The following LRRC3B variants were observed in gnomAD, a reference collection of about 807,000 sequenced individuals.
The protein encoded by LRRC3B is leucine-rich repeat-containing protein 3B.
LRRC3B carries 2 observed loss-of-function variants against 12.8 expected under a neutral mutation model. The ratio of observed to expected loss-of-function variants is 0.16; its 90% CI spans 0.06 to 0.49. The LOEUF (loss-of-function observed/expected upper bound fraction) is 0.49. Among genes scored for constraint, LRRC3B ranks in the 20% least tolerant of loss-of-function variants. The probability of loss-of-function intolerance (pLI) is 0.96; values close to 1 mark genes in which losing one functional copy is unlikely to be tolerated. For missense variants in LRRC3B, 189 were observed against 319.4 expected (o/e 0.59, Z 3.11); for synonymous variants, 132 against 122.0 (o/e 1.08, Z -0.54).
At chr3:26,681,935 T>C (rs1346457505) in intron 1 of LRRC3B, among the ~76,000 whole-genome samples, 1 of 152,184 alleles carries the variant, frequency 6.6e-6, no homozygotes, top group Non-Finnish European at 1.5e-5. Context: ...TACAAGTTTT[T>C]GTGTATACAT....
intron 1 of LRRC3B, among the ~76,000 whole-genome samples, chr3:26,665,392 T>C (rs954776455): frequency 1.3e-5 from 2 of 152,188 alleles, no homozygotes; most frequent in Admixed American, 1.3e-4. Context: ...GTCCTTCTTA[T>C]TGTGTTCTGC....
At chr3:26,682,891 C>T (rs937933344) in intron 1 of LRRC3B, among the ~76,000 whole-genome samples, 1 of 152,186 alleles carries the variant, frequency 6.6e-6, no homozygotes, top group African/African-American at 2.4e-5. Context: ...ATTTTGTTTA[C>T]CCCAAACAAT....
exon 2 of LRRC3B, chr3:26,710,609 CATAA>C: frequency 1.4e-6 from 1 of 723,978 alleles, no homozygotes; most frequent in Non-Finnish European, 2.2e-6. Flanking sequence ...AACACTACAA[CATAA>C]ATAATTTGAG....
intron 1 of LRRC3B, among the ~76,000 whole-genome samples, chr3:26,670,014 C>T (rs370727412): frequency 1.3e-5 from 2 of 152,176 alleles, no homozygotes; most frequent in Non-Finnish European, 2.9e-5. Context: ...GCTTTTTCAA[C>T]TTATTGGTAT....
intron 1 of LRRC3B, among the ~76,000 whole-genome samples, chr3:26,685,031 G>A (rs982729144): frequency 6.6e-6 from 1 of 152,034 alleles, no homozygotes. Flanking sequence ...TCAGCTCACT[G>A]CAATCTCCAC....
intron 1 of LRRC3B, among the ~76,000 whole-genome samples, chr3:26,674,018 T>A (rs1307754753): frequency 6.6e-6 from 1 of 152,254 alleles, no homozygotes; most frequent in Admixed American, 6.5e-5. Flanking sequence ...TTGTCAATGA[T>A]GAGCTTTTGA....
At chr3:26,680,807 C>T (rs1302905247) in intron 1 of LRRC3B, among the ~76,000 whole-genome samples, 1 of 152,174 alleles carries the variant, frequency 6.6e-6, no homozygotes, top group Admixed American at 6.6e-5. Context: ...TATAGTCTAG[C>T]CCAGACAGGG....
At chr3:26,660,246 A>AGATT (rs1468682698) in intron 1 of LRRC3B, among the ~76,000 whole-genome samples, 1 of 152,188 alleles carries the variant, frequency 6.6e-6, no homozygotes, top group East Asian at 1.9e-4. Flanking sequence ...CCTTAATTAC[A>AGATT]GATTCTCTTT....
chr3:26,709,799 T>C, exon 2 of LRRC3B: 2 of 1,614,170 alleles, frequency 1.2e-6, no homozygotes, highest in South Asian at 2.2e-5. Flanking sequence ...TTGTTCTTCC[T>C]CTGGGGGTTT....
chr3:26,676,982 A>G (rs892454314), intron 1 of LRRC3B, among the ~76,000 whole-genome samples: 6 of 152,170 alleles, frequency 3.9e-5, no homozygotes, highest in Admixed American at 2.6e-4. Context: ...AAATCACAAT[A>G]TAAAGCAGGG....
At chr3:26,671,373 T>TATATAGAGAGAGAGAGAGAGAGAG (rs1261897533) in intron 1 of LRRC3B, among the ~76,000 whole-genome samples, 6 of 28,254 alleles carry the variant, frequency 2.1e-4, no homozygotes, top group Non-Finnish European at 3.6e-4. Flanking sequence ...TATATATATA[T>TATATAGAGAGAGAGAGAGAGAGAG]AGAGAGAGAG....
chr3:26,635,256 G>A (rs943513988), intron 1 of LRRC3B, among the ~76,000 whole-genome samples: 2 of 152,166 alleles, frequency 1.3e-5, no homozygotes, highest in African/African-American at 4.8e-5. Context: ...AGTCCCAGAG[G>A]AGCCAAGGTT....
intron 1 of LRRC3B, among the ~76,000 whole-genome samples, chr3:26,685,684 T>C (rs1700073903): frequency 6.7e-6 from 1 of 150,288 alleles, no homozygotes; most frequent in East Asian, 2.0e-4. Flanking sequence ...TGACTATACC[T>C]TAATTTACTT....
rs1313899219 is a variant in LRRC3B at position 26,636,896 on chromosome 3, C to CTCTCTCTT, written c.-161+13679_-161+13686dup. ...TTCCTTCCTTCCTTCCTTTCTCTCT[C>CTCTCTCTT]TCTCTCTTTCTCTCTTTCTCTCTTT... On this transcript the variant is annotated intron_variant, in intron 1 of 1. Transcript: ENST00000396641. 5.7e-4 allele frequency among the ~76,000 whole-genome samples: 54 copies of CTCTCTCTT among 94,670 alleles called. 2 individuals carry two copies. The highest frequency in any genetic ancestry group is 4.1e-4 in the Non-Finnish European group (20 of 49,240). 62.1% of individuals were successfully genotyped at this position (94,670 alleles called of 152,430 possible). A position where few individuals can be genotyped will look rare whatever the true frequency, so the allele number is the denominator to read the frequency against.
chr3:26,628,024 C>G (rs921928567), intron 1 of LRRC3B, among the ~76,000 whole-genome samples: 1 of 152,134 alleles, frequency 6.6e-6, no homozygotes, highest in Non-Finnish European at 1.5e-5. Context: ...TTCAGGGGAG[C>G]TCTATCCTCA....
At chr3:26,709,809 T>C in exon 2 of LRRC3B, 1 of 1,614,136 alleles carries the variant, frequency 6.2e-7, no homozygotes, top group Non-Finnish European at 8.5e-7. Context: ...TCTGGGGGTT[T>C]AAATGTCACC....
At chr3:26,697,580 G>T (rs1700349686) in intron 1 of LRRC3B, among the ~76,000 whole-genome samples, 1 of 152,082 alleles carries the variant, frequency 6.6e-6, no homozygotes, top group Non-Finnish European at 1.5e-5. Flanking sequence ...AATATTTTTA[G>T]ACCATTTTTG....
At chr3:26,656,643 T>C (rs982050807) in intron 1 of LRRC3B, among the ~76,000 whole-genome samples, 2 of 152,110 alleles carry the variant, frequency 1.3e-5, no homozygotes, top group African/African-American at 4.8e-5. Flanking sequence ...CAAGAAGAAA[T>C]GAATTTTAGA....
At chr3:26,652,313 C>A (rs185597721) in intron 1 of LRRC3B, among the ~76,000 whole-genome samples, 3 of 152,330 alleles carry the variant, frequency 2.0e-5, no homozygotes, top group African/African-American at 7.2e-5. Flanking sequence ...AGAGCCCAAC[C>A]CTTTATGGGA....
Sources: allele counts gnomAD v4.1 joint callset (sites outside exome capture counted in the v4.1 genomes callset), GRCh38; gene constraint gnomAD v4.1.1; transcripts MANE v1.5; gene names NCBI Gene and HGNC (gene_info 2026-07-23, HGNC 2026-07-21).